Variants in GLIS1 observed in about 807,000 individuals in gnomAD.
GLIS1 encodes the protein zinc finger protein GLIS1.
In GLIS1, 24 loss-of-function variants were observed where a neutral mutation model predicts 63.8. That is an observed-to-expected ratio of 0.38 (90% CI 0.27 to 0.53). The LOEUF (loss-of-function observed/expected upper bound fraction) is 0.53, where lower values mean the gene tolerates loss of function less well. GLIS1 is among the 20% of genes least tolerant of loss of function. The probability of loss-of-function intolerance (pLI) is 0.85; values close to 1 mark genes in which losing one functional copy is unlikely to be tolerated. For synonymous variants in GLIS1, 450 were observed against 482.5 expected (o/e 0.93, Z 0.88); for missense variants, 1,036 against 1,074.1 (o/e 0.96, Z 0.50).
intron 2 of GLIS1, among the ~76,000 whole-genome samples, chr1:53,727,294 G>C (rs1646814853): frequency 6.6e-6 from 1 of 152,202 alleles, no homozygotes; most frequent in African/African-American, 2.4e-5. Flanking sequence ...CCAGAGAAGG[G>C]CCATGAGACC....
At chr1:53,512,811 G>C (rs1014112753) in intron 8 of GLIS1, among the ~76,000 whole-genome samples, 1 of 151,948 alleles carries the variant, frequency 6.6e-6, no homozygotes, top group Non-Finnish European at 1.5e-5. Flanking sequence ...CCCAAGCAGC[G>C]AACGGCCTTC....
At chr1:53,538,001 C>G (rs1029640826) in intron 4 of GLIS1, among the ~76,000 whole-genome samples, 16 of 152,228 alleles carry the variant, frequency 1.1e-4, no homozygotes, top group Non-Finnish European at 2.2e-4. Flanking sequence ...AATAATCCTG[C>G]GTTTGGCCAG....
intron 8 of GLIS1, among the ~76,000 whole-genome samples, chr1:53,510,901 C>T (rs962724591): frequency 2.6e-5 from 4 of 152,172 alleles, no homozygotes; most frequent in African/African-American, 9.7e-5. Context: ...GGGATGCAGG[C>T]TCTAGACTGT....
intron 3 of GLIS1, among the ~76,000 whole-genome samples, chr1:53,596,558 C>T (rs1183256031): frequency 1.3e-5 from 2 of 152,224 alleles, no homozygotes; most frequent in Admixed American, 6.5e-5. Context: ...CGTGACAGCC[C>T]TCTGCGAAGG....
intron 4 of GLIS1, among the ~76,000 whole-genome samples, chr1:53,553,168 T>C (rs553470763): frequency 3.2e-4 from 49 of 150,874 alleles, no homozygotes; most frequent in Non-Finnish European, 5.5e-4. Context: ...CGAGCACACA[T>C]TGTGCTTCAA....
chr1:53,700,479 A>G (rs1355885806), intron 2 of GLIS1, among the ~76,000 whole-genome samples: 1 of 152,164 alleles, frequency 6.6e-6, no homozygotes, highest in Non-Finnish European at 1.5e-5. Flanking sequence ...GGGTAACATG[A>G]ACAAATGCAT....
intron 4 of GLIS1, among the ~76,000 whole-genome samples, chr1:53,571,488 G>A (rs767852551): frequency 2.6e-5 from 4 of 152,198 alleles, no homozygotes; most frequent in Non-Finnish European, 2.9e-5. Flanking sequence ...CCATCAACAA[G>A]AGAATGATTA....
chr1:53,633,997 G>A (rs1223779119), intron 2 of GLIS1, among the ~76,000 whole-genome samples: 2 of 152,196 alleles, frequency 1.3e-5, no homozygotes, highest in Non-Finnish European at 2.9e-5. Context: ...TGTGAGTGCA[G>A]AGGCATCGGG....
intron 1 of GLIS1, among the ~76,000 whole-genome samples, chr1:53,738,607 G>T (rs1234875601): frequency 1.3e-5 from 2 of 152,196 alleles, no homozygotes; most frequent in African/African-American, 4.8e-5. Context: ...GAACCCAAAG[G>T]CCCGAGGGAA....
At chr1:53,592,731 C>T (rs1256547858) in intron 4 of GLIS1, among the ~76,000 whole-genome samples, 2 of 152,252 alleles carry the variant, frequency 1.3e-5, no homozygotes, top group African/African-American at 4.8e-5. Flanking sequence ...CCCACCACTG[C>T]TCCACACACC....
intron 4 of GLIS1, among the ~76,000 whole-genome samples, chr1:53,549,306 GA>G (rs1446223684): frequency 1.3e-5 from 2 of 152,222 alleles, no homozygotes; most frequent in African/African-American, 2.4e-5. Flanking sequence ...ACCTAGGAGA[GA>G]CATTGATGGA....
At position 53,516,883 on chromosome 1, in the gene GLIS1, A is replaced by G. The variant is rs114352333; in HGVS notation, c.1727-2102T>C. Among the ~76,000 whole-genome samples, 629 of 152,210 alleles carry G rather than the reference A, an allele frequency of 4.1e-3. 1 individual carries two copies. The highest frequency in any genetic ancestry group is 0.014 in the African/African-American group (593 of 41,546). On this transcript the variant is annotated intron_variant, in intron 7 of 10. Transcript: ENST00000628545. The stretch of plus-strand genomic sequence containing the variant: ...TGCCCCTTTGCCTATGAGGCCAAAC[A>G]GTTTGCAACTCCTGGCCTGGAGTTA...
chr1:53,648,809 C>G (rs1463352674), intron 2 of GLIS1, among the ~76,000 whole-genome samples: 3 of 152,146 alleles, frequency 2.0e-5, no homozygotes, highest in Non-Finnish European at 4.4e-5. Flanking sequence ...AGAAGTCAGG[C>G]CTGTGGTTAC....
chr1:53,634,560 G>A (rs1418496950), intron 2 of GLIS1, among the ~76,000 whole-genome samples: 2 of 152,200 alleles, frequency 1.3e-5, no homozygotes, highest in Admixed American at 1.3e-4. Context: ...TGTGAGGGTG[G>A]AGCGAGGAGG....
At chr1:53,575,207 T>C (rs910128618) in intron 4 of GLIS1, among the ~76,000 whole-genome samples, 2 of 152,112 alleles carry the variant, frequency 1.3e-5, no homozygotes, top group Admixed American at 1.3e-4. Context: ...CGGCTGCCTA[T>C]GGGCGCTGGC....
intron 2 of GLIS1, among the ~76,000 whole-genome samples, chr1:53,699,041 T>C (rs1341960964): frequency 6.8e-6 from 1 of 146,858 alleles, no homozygotes; most frequent in Non-Finnish European, 1.5e-5. Context: ...TTTGTTTTGT[T>C]TTTTGTTTGT....
intron 2 of GLIS1, among the ~76,000 whole-genome samples, chr1:53,654,213 C>T (rs116367287): frequency 4.1e-3 from 625 of 152,298 alleles, no homozygotes; most frequent in African/African-American, 0.014. Context: ...GTGCCAGGCA[C>T]GGTTCTAGGT....
chr1:53,609,579 T>C (rs1645406020), intron 2 of GLIS1, among the ~76,000 whole-genome samples: 1 of 152,210 alleles, frequency 6.6e-6, no homozygotes, highest in Non-Finnish European at 1.5e-5. Flanking sequence ...TAAATCCTTT[T>C]TTATTTGAAC....
At chr1:53,551,722 T>C (rs1644761633) in intron 4 of GLIS1, among the ~76,000 whole-genome samples, 1 of 152,200 alleles carries the variant, frequency 6.6e-6, no homozygotes, top group African/African-American at 2.4e-5. Context: ...CTCCCACCTC[T>C]GCCCTCCCTC....
Sources: gnomAD v4.1 joint callset for allele counts (sites outside exome capture counted in the v4.1 genomes callset) on GRCh38, gnomAD v4.1.1 for gene constraint, MANE v1.5 for transcripts, NCBI Gene and HGNC (gene_info 2026-07-23, HGNC 2026-07-21) for gene names.